KRT84: variants seen among roughly 807,000 people sequenced by gnomAD.
KRT84 encodes keratin, type II cuticular Hb4.
In KRT84, 38 loss-of-function variants were observed where a neutral mutation model predicts 49.0. The ratio of observed to expected loss-of-function variants is 0.78; its 90% CI spans 0.60 to 1.02. The LOEUF (loss-of-function observed/expected upper bound fraction) is 1.02. KRT84 is among the 50% of genes least tolerant of loss of function. The probability of loss-of-function intolerance (pLI) is 0.00; values close to 1 mark genes in which losing one functional copy is unlikely to be tolerated. For missense variants in KRT84, 860 were observed against 788.6 expected (o/e 1.09, Z -1.08); for synonymous variants, 334 against 312.8 (o/e 1.07, Z -0.72).
chr12:52,385,667 C>A (rs919595609), upstream of KRT84: 21 of 1,298,854 alleles, frequency 1.6e-5, no homozygotes, highest in Non-Finnish European at 2.2e-5. Flanking sequence ...CCAGTGGAAC[C>A]CTTGCACCCC....
In KRT84 at chr12:52,385,293, C is replaced by G. The variant is rs778079868; in HGVS notation, c.293G>C (p.Arg98Thr). 1.2e-6 allele frequency: 2 copies of G among 1,614,110 alleles called. No individual in the cohort carries two copies. The highest frequency in any genetic ancestry group is 1.7e-6 in the Non-Finnish European group (2 of 1,180,036). Residue 98 changes from arginine to threonine, a missense_variant, in exon 1 of 9, where the codon AGG becomes ACG. Coordinates refer to ENST00000257951, the MANE Select transcript of KRT84 (RefSeq NM_033045.4). ...GDGRGVGLGP[R>T]ADSCVGLGFG... ...GCCCAGACCAACACAGCTGTCAGCC[C>G]TAGGCCCCAGACCAACACCTCTCCC...
chr12:52,378,533 A>G (rs959862540), intron 8 of KRT84, among the ~76,000 whole-genome samples, 153 bp from the exon 9 acceptor site: 28 of 152,332 alleles, frequency 1.8e-4, no homozygotes, highest in African/African-American at 6.5e-4. Flanking sequence ...TACAGTCAGT[A>G]TACACTTTTT....
In KRT84 at chr12:52,385,494, A is replaced by C; in HGVS notation, c.92T>G (p.Phe31Cys). The C allele has an allele frequency of 6.2e-7, 1 of 1,614,216 alleles. No homozygotes were observed. Among genetic ancestry groups the C allele is most frequent in the Non-Finnish European group, 8.5e-7 (1 of 1,180,042 alleles). Residue 31 changes from phenylalanine (F) to cysteine (C), a missense_variant, in exon 1 of 9, where the codon TTC (phenylalanine) becomes TGC (cysteine). Coordinates refer to ENST00000257951, the MANE Select transcript of KRT84 (RefSeq NM_033045.4). ...CCAACAGGAGACAGAGTTGGCCCGG[A>C]AGCGATTCAGGTTCTGTGGTGTCAT... The part of the protein sequence containing the change: ...SAMTPQNLNR[F>C]RANSVSCWSG...
rs1385606046 is a variant in KRT84, at chr12:52,382,510, T to C, written c.839A>G (p.Asn280Ser). 1 of 1,613,978 alleles carries C rather than the reference T, an allele frequency of 6.2e-7. No individual in the cohort carries two copies. The highest frequency in any genetic ancestry group is 8.5e-7 in the Non-Finnish European group (1 of 1,179,848). Residue 280 changes from asparagine (N) to serine (S), a missense_variant, in exon 4 of 9, where the codon AAC becomes AGC. Transcript: ENST00000257951. ...CACGTTGGCCTCGAGATCAGACTTG[T>C]TCATGAAAGCTGCATCCACATCCTG... ...LKKDVDAAFM[N>S]KSDLEANVDT...
intron 2 of KRT84, 70 bp from the exon 3 acceptor site, chr12:52,383,135 G>T (rs1270550217): frequency 3.1e-6 from 4 of 1,279,878 alleles, no homozygotes; most frequent in Middle Eastern, 3.7e-4. Flanking sequence ...ACTCCCCAGT[G>T]AACCTTGCAA....
chr12:52,378,468 G>T (rs1437474967), intron 8 of KRT84, 88 bp from the exon 9 acceptor site: 2 of 655,956 alleles, frequency 3.0e-6, no homozygotes, highest in Non-Finnish European at 3.9e-6. Flanking sequence ...CGGGTCTGGT[G>T]GGGAGGGAGT....
In KRT84 at chr12:52,378,056, G is replaced by T. The variant is rs866226041; in HGVS notation, c.1781C>A (p.Thr594Asn). 2 of 1,480,474 alleles carry T rather than the reference G, an allele frequency of 1.4e-6. No individual in the cohort carries two copies. The highest frequency in any genetic ancestry group is 1.4e-5 in the African/African-American group (1 of 69,262). 91.7% of individuals were successfully genotyped at this position (1,480,474 alleles called of 1,614,324 possible). A position where few individuals can be genotyped will look rare whatever the true frequency, so the allele number is the denominator to read the frequency against. The change falls in exon 9 of 9, where the codon ACC becomes AAC. Residue 594 changes from threonine to asparagine, a missense_variant. By Grantham distance (65) the Thr-to-Asn change is moderately conservative. Coordinates refer to ENST00000257951, the MANE Select transcript of KRT84 (RefSeq NM_033045.4). ...SSSVRFVSTT[T>N]SCRTKY ...CTCTCAGTACTTGGTCCGGCAGGAG[G>T]TGGTGGTGGACACAAAGCGGACGCT...
chr12:52,379,512 C>T, intron 8 of KRT84, among the ~76,000 whole-genome samples: 1 of 152,338 alleles, frequency 6.6e-6, no homozygotes, highest in African/African-American at 2.4e-5. Flanking sequence ...GCGTTCCCTG[C>T]CATCAGGGGA....
In KRT84 at chr12:52,382,436, C is replaced by A. The variant is rs1290963049; in HGVS notation, c.912+1G>T. ...GTGCCCTAGAGAAGATGAACCCTCACCTCCATGTAAAGCGTTTTTAGAAAG... is the reference window on the plus strand; with the variant it reads ...GTGCCCTAGAGAAGATGAACCCTCAACTCCATGTAAAGCGTTTTTAGAAAG... On this transcript the variant is annotated splice_donor_variant, in intron 4 of 8. Coordinates refer to ENST00000257951, the MANE Select transcript of KRT84 (RefSeq NM_033045.4). LOFTEE classifies it high-confidence loss of function. 1 of 1,609,520 alleles carries A rather than the reference C, an allele frequency of 6.2e-7. No homozygotes were observed. The highest frequency in any genetic ancestry group is 1.1e-5 in the South Asian group (1 of 90,948).
Position 52,380,047 on chromosome 12 carries a change from G to A in KRT84, c.1425-140C>T, listed in dbSNP as rs1033048140. ...CTGGTTATACACACATCTGGGGAGC[G>A]TTGAAAAACACGTTCTTAGACCCTA... is the stretch of plus-strand genomic sequence containing the variant. On this transcript the variant is annotated intron_variant, in intron 7 of 8. Coordinates refer to ENST00000257951, the MANE Select transcript of KRT84 (RefSeq NM_033045.4). The A allele has an allele frequency of 3.5e-5, 26 of 747,332 alleles. 1 individual carries two copies. Among genetic ancestry groups the A allele is most frequent in the Admixed American group, 1.7e-4 (6 of 36,078 alleles). 46.3% of individuals were successfully genotyped at this position (747,332 alleles called of 1,614,324 possible).
At position 52,382,430 on chromosome 12, in the gene KRT84, C is replaced by A. The variant is rs753767273; in HGVS notation, c.912+7G>T. 65 of 1,590,502 alleles carry A rather than the reference C, an allele frequency of 4.1e-5. 1 individual carries two copies. The highest frequency in any genetic ancestry group is 7.7e-5 in the South Asian group (7 of 90,532). ...CCTTGGGTGCCCTAGAGAAGATGAA[C>A]CCTCACCTCCATGTAAAGCGTTTTT... On this transcript the variant is annotated splice_region_variant and intron_variant, in intron 4 of 8. Coordinates refer to ENST00000257951, the MANE Select transcript of KRT84 (RefSeq NM_033045.4).
At chr12:52,380,806 T>C (rs574606884) in intron 6 of KRT84, among the ~76,000 whole-genome samples, 1 of 152,326 alleles carries the variant, frequency 6.6e-6, no homozygotes, top group Admixed American at 6.5e-5. Flanking sequence ...CACTGCTGAT[T>C]TCAGCTGCCC....
chr12:52,382,851 A>G (rs1359216910), intron 3 of KRT84, among the ~76,000 whole-genome samples, 154 bp downstream of exon 3: 1 of 152,170 alleles, frequency 6.6e-6, no homozygotes, highest in Non-Finnish European at 1.5e-5. Context: ...ACTTTGTAGG[A>G]AATCTCTTGT....
rs1248593224 is a variant in KRT84, at chr12:52,383,711, G to A, written c.634C>T (p.Pro212Ser). The change falls in exon 2 of 9, where the codon CCA (proline) becomes TCA (serine). Residue 212 changes from proline to serine, a missense_variant. Physicochemically the swap from Pro to Ser is moderately conservative, Grantham distance 74. Coordinates refer to ENST00000257951, the MANE Select transcript of KRT84 (RefSeq NM_033045.4). ...EQKCIRSNLE[P>S]LFESYITNLR... Reference sequence around the variant, plus strand: ...TTGGTGATGTAGCTCTCGAAGAGTGGCTCCAGATTGCTCCTGATACATTTC... The same window carrying A: ...TTGGTGATGTAGCTCTCGAAGAGTGACTCCAGATTGCTCCTGATACATTTC... The A allele has an allele frequency of 6.8e-6, 11 of 1,613,874 alleles. No homozygotes were observed. The highest frequency in any genetic ancestry group is 9.3e-6 in the Non-Finnish European group (11 of 1,179,898).
At chr12:52,383,101 T>C in intron 2 of KRT84, 36 bp from the exon 3 acceptor site, 1 of 1,576,928 alleles carries the variant, frequency 6.3e-7, no homozygotes, top group Admixed American at 1.7e-5. Context: ...GTGCTTACTC[T>C]GAACTGAGAG....
At chr12:52,379,417 C>G (rs772888209) in intron 8 of KRT84, among the ~76,000 whole-genome samples, 38 of 152,218 alleles carry the variant, frequency 2.5e-4, no homozygotes, top group African/African-American at 9.2e-4. Flanking sequence ...CCCCAGACTG[C>G]CATGCCCGGC....
chr12:52,385,179 G>C lies in KRT84; in HGVS notation c.407C>G (p.Ser136Cys). 1.2e-6 allele frequency: 2 copies of C among 1,607,632 alleles called. No homozygotes were observed. Among genetic ancestry groups the C allele is most frequent in the Non-Finnish European group, 1.7e-6 (2 of 1,175,904 alleles). The change falls in exon 1 of 9, where the codon TCT becomes TGT. Residue 136 changes from serine (S) to cysteine (C), a missense_variant. Transcript: ENST00000257951. ...CTTGTTCACAGTCACAGCTGTGATA[G>C]ATGGGGCTGCTGGGACTCCAACCCC... ...VGGVGVPAAP[S>C]ITAVTVNKSL...
At chr12:52,380,857 A>G (rs1015447544) in intron 6 of KRT84, among the ~76,000 whole-genome samples, 5 of 152,218 alleles carry the variant, frequency 3.3e-5, no homozygotes, top group Admixed American at 6.5e-5. Context: ...TTCTTTCTGT[A>G]CCACCTTCCC....
At chr12:52,383,879 G>T in intron 1 of KRT84, 81 bp from the exon 2 acceptor site, 4 of 1,155,844 alleles carry the variant, frequency 3.5e-6, no homozygotes. Flanking sequence ...GATGGCCAGC[G>T]ATGACTTGAC....
Sources: allele counts gnomAD v4.1 joint callset (sites outside exome capture counted in the v4.1 genomes callset), GRCh38; gene constraint gnomAD v4.1.1; transcripts MANE v1.5; gene names NCBI Gene and HGNC (gene_info 2026-07-23, HGNC 2026-07-21).